Variants in DNAJC1 observed in about 807,000 individuals in gnomAD.
The protein encoded by DNAJC1 is DnaJ heat shock protein family (Hsp40) member C1.
Under a neutral mutation model 76.6 loss-of-function variants are expected in DNAJC1, and 58 were observed. The observed-to-expected ratio is 0.76, with a 90% CI of 0.61 to 0.94. The LOEUF (loss-of-function observed/expected upper bound fraction) is 0.94. Ranked by LOEUF, DNAJC1 falls within the 40% of genes least tolerant of loss-of-function variation. DNAJC1 has a pLI of 0.00. For synonymous variants in DNAJC1, 258 were observed against 267.9 expected (o/e 0.96, Z 0.36); for missense variants, 689 against 677.3 (o/e 1.02, Z -0.19).
At chr10:21,881,169 C>T (rs1836269265) in intron 8 of DNAJC1, among the ~76,000 whole-genome samples, 1 of 152,190 alleles carries the variant, frequency 6.6e-6, no homozygotes, top group Non-Finnish European at 1.5e-5. Flanking sequence ...GAGGGCATTG[C>T]TCTGGATTAG....
chr10:21,806,111 TAAAGAAAATAAAAAAAGATAATTG>T lies in DNAJC1; in HGVS notation c.979-36_979-13del. On this transcript the variant is annotated splice_polypyrimidine_tract_variant and intron_variant, in intron 8 of 11. Coordinates refer to ENST00000376980, the MANE Select transcript of DNAJC1 (RefSeq NM_022365.4). Reference sequence around the variant, plus strand: ...GTCCATTCAGGTGCCTGCAAAACATTAAAGAAAATAAAAAAAGATAATTGGGAGAAAATAAAAAGATAATTGGAA... The same window carrying T: ...GTCCATTCAGGTGCCTGCAAAACATTGGAGAAAATAAAAAGATAATTGGAA... 1 of 1,582,168 alleles carries T rather than the reference TAAAGAAAATAAAAAAAGATAATTG, an allele frequency of 6.3e-7. No homozygotes were observed. The highest frequency in any genetic ancestry group is 8.6e-7 in the Non-Finnish European group (1 of 1,164,504).
At chr10:21,948,714 A>G (rs906826157) in intron 1 of DNAJC1, among the ~76,000 whole-genome samples, 1 of 152,234 alleles carries the variant, frequency 6.6e-6, no homozygotes, top group African/African-American at 2.4e-5. Context: ...ATATGAATAT[A>G]TAGGAAAAAA....
intron 8 of DNAJC1, among the ~76,000 whole-genome samples, chr10:21,877,829 T>C (rs1482276700): frequency 6.6e-6 from 1 of 152,226 alleles, no homozygotes; most frequent in Non-Finnish European, 1.5e-5. Context: ...AGTATAACTT[T>C]TGACTGCCCA....
At chr10:21,761,844 C>G (rs1273944052) in intron 10 of DNAJC1, among the ~76,000 whole-genome samples, 1 of 152,180 alleles carries the variant, frequency 6.6e-6, no homozygotes, top group Non-Finnish European at 1.5e-5. Context: ...ATTTCATAAT[C>G]ATTATCTCCT....
chr10:21,811,783 C>T (rs182577125), intron 8 of DNAJC1, among the ~76,000 whole-genome samples: 21 of 152,104 alleles, frequency 1.4e-4, no homozygotes, highest in African/African-American at 3.9e-4. Flanking sequence ...GTGTAAAACT[C>T]TCTCAGTGGT....
At chr10:21,850,862 A>C (rs1384337650) in intron 8 of DNAJC1, among the ~76,000 whole-genome samples, 1 of 152,190 alleles carries the variant, frequency 6.6e-6, no homozygotes, top group Non-Finnish European at 1.5e-5. Flanking sequence ...GGCCAGAAAT[A>C]AACCTTGCAT....
intron 9 of DNAJC1, among the ~76,000 whole-genome samples, chr10:21,800,512 CA>C (rs1464657901): frequency 6.6e-6 from 1 of 151,754 alleles, no homozygotes; most frequent in Non-Finnish European, 1.5e-5. Context: ...AATGAAATAG[CA>C]AAAAAAGGAA....
At chr10:21,923,677 A>G (rs1837074456) in intron 3 of DNAJC1, among the ~76,000 whole-genome samples, 2 of 151,940 alleles carry the variant, frequency 1.3e-5, no homozygotes, top group South Asian at 4.1e-4. Context: ...AATTCCACAT[A>G]TCCAACATAT....
intron 4 of DNAJC1, 58 bp downstream of exon 4, chr10:21,920,740 C>A: frequency 6.7e-7 from 1 of 1,486,096 alleles, no homozygotes; most frequent in Non-Finnish European, 9.1e-7. Flanking sequence ...AAATAAATGT[C>A]CAAAATTCCA....
intron 1 of DNAJC1, among the ~76,000 whole-genome samples, chr10:21,935,714 G>C (rs187218187): frequency 6.6e-6 from 1 of 151,880 alleles, no homozygotes; most frequent in South Asian, 2.1e-4. Context: ...AAAGAGTCCC[G>C]AAAGCAGCAA....
At chr10:21,965,253 T>G (rs1274994208) in intron 1 of DNAJC1, among the ~76,000 whole-genome samples, 1 of 152,228 alleles carries the variant, frequency 6.6e-6, no homozygotes, top group Non-Finnish European at 1.5e-5. Flanking sequence ...GAGTCTAATC[T>G]GCTGTCTAGT....
intron 8 of DNAJC1, among the ~76,000 whole-genome samples, chr10:21,806,429 C>A (rs1036340072): frequency 2.0e-5 from 3 of 151,724 alleles, no homozygotes; most frequent in African/African-American, 7.3e-5. Context: ...ATTCTCAAAG[C>A]TTATGAAATG....
At chr10:21,843,392 C>CTTTT (rs34760207) in intron 8 of DNAJC1, among the ~76,000 whole-genome samples, 2 of 134,446 alleles carry the variant, frequency 1.5e-5, no homozygotes, top group Non-Finnish European at 3.2e-5. Context: ...AGAGGTTTCC[C>CTTTT]TTTTTTTTTT....
At chr10:21,928,769 A>G (rs1837169924) in intron 2 of DNAJC1, among the ~76,000 whole-genome samples, 1 of 152,212 alleles carries the variant, frequency 6.6e-6, no homozygotes, top group Non-Finnish European at 1.5e-5. Context: ...CAGTTACAAA[A>G]GTAATACTTA....
intron 8 of DNAJC1, among the ~76,000 whole-genome samples, chr10:21,862,007 C>T (rs1486845959): frequency 6.6e-6 from 1 of 152,108 alleles, no homozygotes; most frequent in African/African-American, 2.4e-5. Flanking sequence ...CAACCTCCAC[C>T]TCCCAGGTTC....
chr10:21,952,794 G>T (rs1195823604), intron 1 of DNAJC1, among the ~76,000 whole-genome samples: 1 of 152,064 alleles, frequency 6.6e-6, no homozygotes, highest in Non-Finnish European at 1.5e-5. Context: ...TAAAGACAGG[G>T]TCTCGCATAT....
chr10:22,000,887 G>C (rs1435990417), intron 1 of DNAJC1, among the ~76,000 whole-genome samples: 2 of 152,182 alleles, frequency 1.3e-5, no homozygotes, highest in Non-Finnish European at 2.9e-5. Flanking sequence ...CCAGAATTGT[G>C]AGAAATCAAG....
chr10:21,954,353 G>C (rs1366769760), intron 1 of DNAJC1, among the ~76,000 whole-genome samples: 1 of 152,112 alleles, frequency 6.6e-6, no homozygotes. Context: ...CACTAGCCTA[G>C]AAGTGAAGAA....
chr10:21,889,025 T>C (rs1836415890), intron 7 of DNAJC1, among the ~76,000 whole-genome samples: 1 of 152,230 alleles, frequency 6.6e-6, no homozygotes, highest in South Asian at 2.1e-4. Context: ...TAGTTCATTC[T>C]CACATTGCTA....
Sources: gnomAD v4.1 joint callset for allele counts (sites outside exome capture counted in the v4.1 genomes callset) on GRCh38, gnomAD v4.1.1 for gene constraint, MANE v1.5 for transcripts, NCBI Gene and HGNC (gene_info 2026-07-23, HGNC 2026-07-21) for gene names.